The following MAP7 variants were observed in gnomAD, a reference collection of about 807,000 sequenced individuals.
MAP7 encodes the protein microtubule associated protein 7, also known as ensconsin.
MAP7 carries 52 observed loss-of-function variants against 94.8 expected under a neutral mutation model. That is an observed-to-expected ratio of 0.55 (90% CI 0.44 to 0.69). MAP7 has a LOEUF of 0.69. Ranked by LOEUF, MAP7 falls within the 30% of genes least tolerant of loss-of-function variation. The pLI is 0.00. For missense variants in MAP7, 940 were observed against 964.6 expected (o/e 0.97, Z 0.34); for synonymous variants, 350 against 357.0 (o/e 0.98, Z 0.22).
chr6:136,388,580 G>C, intron 4 of MAP7, 70 bp from the exon 5 acceptor site: 1 of 1,217,790 alleles, frequency 8.2e-7, no homozygotes, highest in Non-Finnish European at 1.2e-6. Context: ...ATTTAAGGCA[G>C]AATGGAGTGA....
At chr6:136,365,483 G>A (rs1227443418) in intron 10 of MAP7, among the ~76,000 whole-genome samples, 1 of 152,102 alleles carries the variant, frequency 6.6e-6, no homozygotes, top group East Asian at 1.9e-4. Context: ...GCTACGCCAG[G>A]GGTCCTTAAA....
chr6:136,483,391 A>C (rs1813563223), intron 1 of MAP7, among the ~76,000 whole-genome samples: 1 of 152,056 alleles, frequency 6.6e-6, no homozygotes, highest in African/African-American at 2.4e-5. Context: ...TGAGGACTAA[A>C]ATACTACCTA....
At chr6:136,494,723 A>C (rs1001084994) in intron 1 of MAP7, among the ~76,000 whole-genome samples, 3 of 152,216 alleles carry the variant, frequency 2.0e-5, no homozygotes, top group Non-Finnish European at 4.4e-5. Context: ...GACAGGATAT[A>C]GACAAACTAG....
At chr6:136,356,595 A>T in intron 16 of MAP7, 97 bp downstream of exon 16, 2 of 921,476 alleles carry the variant, frequency 2.2e-6, no homozygotes, top group Non-Finnish European at 3.4e-6. Flanking sequence ...GGCCCCCCCC[A>T]AATAATAAAT....
At chr6:136,535,249 C>T (rs1468349523) in intron 1 of MAP7, among the ~76,000 whole-genome samples, 3 of 152,170 alleles carry the variant, frequency 2.0e-5, no homozygotes, top group Non-Finnish European at 4.4e-5. Context: ...GACCTCCCCT[C>T]ACACCACTCT....
intron 1 of MAP7, among the ~76,000 whole-genome samples, chr6:136,431,475 A>G (rs1274073833): frequency 6.7e-6 from 1 of 148,502 alleles, no homozygotes; most frequent in African/African-American, 2.5e-5. Context: ...TACCCAATAA[A>G]TATCAACTTT....
At position 136,535,966 on chromosome 6, in the gene MAP7, A is replaced by T. The variant is rs1027815134; in HGVS notation, c.67+14376T>A. Among the ~76,000 whole-genome samples, 12 of 150,984 alleles carry T rather than the reference A, an allele frequency of 7.9e-5. No individual in the cohort carries two copies. In the South Asian group the frequency reaches 2.5e-3, roughly 32 times the overall value. ...CCGTGTCCAAGTGTTCTCACTGTTC[A>T]GTTCCCACCTGTGAGTGAGAACATG... On this transcript the variant is annotated intron_variant, in intron 1 of 17. Coordinates refer to ENST00000354570, the MANE Select transcript of MAP7 (RefSeq NM_003980.6).
At chr6:136,522,811 C>G (rs567193606) in intron 1 of MAP7, among the ~76,000 whole-genome samples, 1 of 152,310 alleles carries the variant, frequency 6.6e-6, no homozygotes, top group African/African-American at 2.4e-5. Flanking sequence ...GTGGGAGGAT[C>G]ACTTGAAGAC....
chr6:136,383,276 A>T (rs1223028535), intron 6 of MAP7, among the ~76,000 whole-genome samples: 1 of 152,256 alleles, frequency 6.6e-6, no homozygotes, highest in Non-Finnish European at 1.5e-5. Flanking sequence ...TTTTAAAGAA[A>T]GTCAGAGCCT....
In MAP7 at chr6:136,345,840, T is replaced by C. The variant is rs374422779; in HGVS notation, c.2239+16A>G. On this transcript the variant is annotated intron_variant, in intron 17 of 17. Transcript: ENST00000354570. Reference sequence around the variant, plus strand: ...TATTTCTGATGACTACAGAAGGGAGTTGGAGGCAAGCTTACCTGCAGTCTG... The same window carrying C: ...TATTTCTGATGACTACAGAAGGGAGCTGGAGGCAAGCTTACCTGCAGTCTG... The C allele has an allele frequency of 1.6e-4, 251 of 1,602,528 alleles. No homozygotes were observed. Among genetic ancestry groups the C allele is most frequent in the Non-Finnish European group, 2.1e-4 (247 of 1,169,644 alleles).
chr6:136,384,485 T>C (rs187447581), intron 5 of MAP7, among the ~76,000 whole-genome samples: 19 of 152,122 alleles, frequency 1.2e-4, no homozygotes, highest in Admixed American at 1.0e-3. Flanking sequence ...TCAAGTAATT[T>C]TAAAATTTCT....
At chr6:136,397,439 A>G (rs1376345548) in intron 3 of MAP7, among the ~76,000 whole-genome samples, 1 of 152,240 alleles carries the variant, frequency 6.6e-6, no homozygotes, top group Non-Finnish European at 1.5e-5. Flanking sequence ...TTAAGAAATG[A>G]TAATTTTGAA....
At position 136,404,452 on chromosome 6, in the gene MAP7, A is replaced by C. The variant is rs547520285; in HGVS notation, c.244+7168T>G. On this transcript the variant is annotated intron_variant, in intron 3 of 17. Transcript: ENST00000354570. ...TTAACCAAAGTTTGTTCAAAGGTTA[A>C]AACTTTTTATATTGTCTTATTCTTT... Among the ~76,000 whole-genome samples the C allele has an allele frequency of 1.1e-4, 17 of 152,206 alleles. No homozygotes were observed. The East Asian group carries it at 3.1e-3, about 28-fold the overall frequency.
rs531850988 is a variant in MAP7 at position 136,381,347 on chromosome 6, T to A, written c.637+2324A>T. ...GTGCACACCATCACGCTTGGCTAAT[T>A]TTTGTATTTTTAGTAGAGATGGGGT... On this transcript the variant is annotated intron_variant, in intron 6 of 17. Coordinates refer to ENST00000354570, the MANE Select transcript of MAP7 (RefSeq NM_003980.6). 5.6e-4 allele frequency among the ~76,000 whole-genome samples: 85 copies of A among 151,854 alleles called. 1 individual carries two copies. The highest frequency in any genetic ancestry group is 1.9e-3 in the African/African-American group (78 of 41,426).
intron 8 of MAP7, among the ~76,000 whole-genome samples, chr6:136,370,013 A>G (rs1313533655): frequency 6.6e-6 from 1 of 152,236 alleles, no homozygotes; most frequent in African/African-American, 2.4e-5. Flanking sequence ...AGAAGAAAGT[A>G]TCTGTAAGTC....
At chr6:136,506,905 C>T (rs1423551207) in intron 1 of MAP7, among the ~76,000 whole-genome samples, 1 of 152,164 alleles carries the variant, frequency 6.6e-6, no homozygotes, top group African/African-American at 2.4e-5. Context: ...AGTGTTCAAA[C>T]TGCATTCAAA....
intron 3 of MAP7, among the ~76,000 whole-genome samples, chr6:136,398,555 G>A (rs758211199): frequency 1.1e-4 from 17 of 152,138 alleles, no homozygotes; most frequent in Admixed American, 7.9e-4. Context: ...TTTGAATTGT[G>A]GGAGTAGTTT....
At chr6:136,478,427 CA>C (rs1334150655) in intron 1 of MAP7, among the ~76,000 whole-genome samples, 2 of 151,202 alleles carry the variant, frequency 1.3e-5, no homozygotes, top group East Asian at 4.0e-4. Flanking sequence ...TACCAAAAAA[CA>C]AAAACAAAAA....
chr6:136,345,829 A>G, intron 17 of MAP7, 27 bp downstream of exon 17: 8 of 1,556,118 alleles, frequency 5.1e-6, no homozygotes, highest in Non-Finnish European at 7.1e-6. Flanking sequence ...TCTGATGACT[A>G]CAGAAGGGAG....
Sources: gnomAD v4.1 joint callset for allele counts (sites outside exome capture counted in the v4.1 genomes callset) on GRCh38, gnomAD v4.1.1 for gene constraint, MANE v1.5 for transcripts, NCBI Gene and HGNC (gene_info 2026-07-23, HGNC 2026-07-21) for gene names.